Variants in DLEU7 observed in about 807,000 individuals in gnomAD.
The protein encoded by DLEU7 is deleted in lymphocytic leukemia 7, also known as leukemia-associated protein 7.
DLEU7 carries 17 observed loss-of-function variants against 16.0 expected under a neutral mutation model. The ratio of observed to expected loss-of-function variants is 1.06; its 90% CI spans 0.73 to 1.59. The LOEUF is 1.59. DLEU7 is among the 40% of genes most tolerant of loss of function. The pLI, the probability that DLEU7 is intolerant of heterozygous loss-of-function variation, is 0.00. For synonymous variants in DLEU7, 113 were observed against 139.8 expected (o/e 0.81, Z 1.35); for missense variants, 308 against 314.9 (o/e 0.98, Z 0.17).
At chr13:50,775,779 G>T (rs960865953) in intron 1 of DLEU7, among the ~76,000 whole-genome samples, 3 of 152,152 alleles carry the variant, frequency 2.0e-5, no homozygotes, top group East Asian at 1.9e-4. Context: ...CGAATTGTTT[G>T]TTCCCAGAGT....
Position 50,830,509 on chromosome 13 carries a change from T to C in DLEU7, c.460-6989A>G, listed in dbSNP as rs778768632. Among the ~76,000 whole-genome samples the C allele has an allele frequency of 2.6e-5, 4 of 152,194 alleles. 1 individual carries two copies. Among genetic ancestry groups the C allele is most frequent in the Admixed American group, 6.5e-5 (1 of 15,274 alleles). ...ACAAAACCCCAATTCTATGGAAGAA[T>C]AGACATGTATACAATCATAATTTAA... On this transcript the variant is annotated intron_variant, in intron 1 of 1. Transcript: ENST00000504404.
chr13:50,768,280 A>G (rs941089633), intron 1 of DLEU7, among the ~76,000 whole-genome samples: 1 of 151,270 alleles, frequency 6.6e-6, no homozygotes, highest in African/African-American at 2.4e-5. Flanking sequence ...TTTTTCATTC[A>G]TGATTTTATT....
chr13:50,733,472 G>T (rs1277385712), intron 1 of DLEU7, among the ~76,000 whole-genome samples: 1 of 152,122 alleles, frequency 6.6e-6, no homozygotes, highest in Non-Finnish European at 1.5e-5. Context: ...GATCTTACCT[G>T]TATGTTTAGA....
intron 1 of DLEU7, among the ~76,000 whole-genome samples, chr13:50,792,169 C>G (rs931303061): frequency 1.3e-5 from 2 of 152,152 alleles, no homozygotes; most frequent in Admixed American, 1.3e-4. Flanking sequence ...TAATGGTGAA[C>G]ATGAGTTTTC....
intron 1 of DLEU7, among the ~76,000 whole-genome samples, chr13:50,731,949 T>A (rs1873924012): frequency 1.3e-5 from 2 of 152,218 alleles, no homozygotes; most frequent in African/African-American, 4.8e-5. Context: ...CATATGTATA[T>A]TAATTGCATA....
intron 1 of DLEU7, among the ~76,000 whole-genome samples, chr13:50,753,293 C>T (rs941033877): frequency 1.6e-4 from 24 of 152,360 alleles, no homozygotes; most frequent in African/African-American, 5.1e-4. Context: ...CTGCCAGTCC[C>T]ACGCCATGCA....
intron 1 of DLEU7, among the ~76,000 whole-genome samples, chr13:50,746,115 A>G (rs1456364133): frequency 6.6e-6 from 1 of 152,182 alleles, no homozygotes; most frequent in Non-Finnish European, 1.5e-5. Flanking sequence ...ATAGCAATCA[A>G]TACTTCCTAA....
chr13:50,737,253 G>T (rs1291287083), intron 1 of DLEU7, among the ~76,000 whole-genome samples: 2 of 152,074 alleles, frequency 1.3e-5, no homozygotes, highest in African/African-American at 4.8e-5. Context: ...AATTGAAATA[G>T]TCAAAATATA....
At chr13:50,754,935 C>T (rs892145316) in intron 1 of DLEU7, among the ~76,000 whole-genome samples, 4 of 152,154 alleles carry the variant, frequency 2.6e-5, no homozygotes, top group Non-Finnish European at 4.4e-5. Flanking sequence ...CTGTATCTTT[C>T]CTTCATATGT....
At chr13:50,749,705 T>C (rs1874506960) in intron 1 of DLEU7, among the ~76,000 whole-genome samples, 1 of 152,168 alleles carries the variant, frequency 6.6e-6, no homozygotes, top group Admixed American at 6.5e-5. Context: ...TTGAGCATTT[T>C]TTCATACATT....
At position 50,843,084 on chromosome 13, in the gene DLEU7, T is replaced by G; in HGVS notation, c.459+104A>C. 5 of 1,113,728 alleles carry G rather than the reference T, an allele frequency of 4.5e-6. No homozygotes were observed. Among genetic ancestry groups the G allele is most frequent in the Non-Finnish European group, 4.9e-6 (4 of 811,912 alleles). 69.0% of individuals were successfully genotyped at this position (1,113,728 alleles called of 1,614,324 possible). ...GGGGCTGAATCACAGTGGGCAGCAG[T>G]GTTTGGGATCCTGCGATCCACCCAT... On this transcript the variant is annotated intron_variant, in intron 1 of 1. Transcript: ENST00000504404. The surrounding 1 kb of genome is among the most constrained non-coding windows in gnomAD (Gnocchi z 5.7).
intron 1 of DLEU7, among the ~76,000 whole-genome samples, chr13:50,842,712 G>A (rs1877710934): frequency 6.6e-6 from 1 of 152,162 alleles, no homozygotes. Flanking sequence ...AAAAATAATA[G>A]TGATTCATGA....
intron 1 of DLEU7, among the ~76,000 whole-genome samples, chr13:50,794,918 T>A (rs1876067173): frequency 6.6e-6 from 1 of 151,602 alleles, no homozygotes; most frequent in South Asian, 2.1e-4. Flanking sequence ...AATAAAATTA[T>A]GTGATTATAT....
At chr13:50,751,667 C>A (rs1048455105) in intron 1 of DLEU7, among the ~76,000 whole-genome samples, 5 of 152,152 alleles carry the variant, frequency 3.3e-5, no homozygotes, top group African/African-American at 1.2e-4. Context: ...TAGGAGGGCT[C>A]TATTTTTCCA....
intron 1 of DLEU7, among the ~76,000 whole-genome samples, chr13:50,753,147 A>G (rs893468892): frequency 1.3e-5 from 2 of 152,194 alleles, no homozygotes; most frequent in African/African-American, 4.8e-5. Flanking sequence ...ACAAACCTTG[A>G]GCTAGATACA....
chr13:50,804,061 C>T (rs1876322227), intron 1 of DLEU7, among the ~76,000 whole-genome samples: 1 of 152,010 alleles, frequency 6.6e-6, no homozygotes, highest in Non-Finnish European at 1.5e-5. Context: ...TTTTAGAGGG[C>T]TAGAATGAAC....
At chr13:50,771,893 G>T (rs1429377646) in intron 1 of DLEU7, among the ~76,000 whole-genome samples, 1 of 152,132 alleles carries the variant, frequency 6.6e-6, no homozygotes, top group Non-Finnish European at 1.5e-5. Context: ...TATTGTGTGG[G>T]AGTCTAAGTC....
intron 1 of DLEU7, among the ~76,000 whole-genome samples, chr13:50,776,216 T>G (rs1875490297): frequency 6.6e-6 from 1 of 152,240 alleles, no homozygotes; most frequent in African/African-American, 2.4e-5. Flanking sequence ...CATTGTATGT[T>G]TGAGTTTTTG....
chr13:50,796,500 A>T (rs1318108922), intron 1 of DLEU7, among the ~76,000 whole-genome samples: 2 of 152,188 alleles, frequency 1.3e-5, no homozygotes, highest in South Asian at 2.1e-4. Context: ...AATGGCATGC[A>T]ATTTAAAATT....
Sources: allele counts gnomAD v4.1 joint callset (sites outside exome capture counted in the v4.1 genomes callset), GRCh38; gene constraint gnomAD v4.1.1; non-coding constraint Gnocchi (gnomAD v3.1); transcripts MANE v1.5; gene names NCBI Gene and HGNC (gene_info 2026-07-23, HGNC 2026-07-21).